The following RBFOX1 variants were observed in gnomAD, a reference collection of about 807,000 sequenced individuals.
RBFOX1 encodes RNA binding protein fox-1 homolog 1.
In RBFOX1, 8 loss-of-function variants were observed where a neutral mutation model predicts 57.7. The ratio of observed to expected loss-of-function variants is 0.14; its 90% CI spans 0.08 to 0.25. The LOEUF (loss-of-function observed/expected upper bound fraction) is 0.25. Ranked by LOEUF, RBFOX1 falls within the 10% of genes least tolerant of loss-of-function variation. RBFOX1 has a pLI of 1.00. For synonymous variants in RBFOX1, 326 were observed against 222.4 expected (o/e 1.47, Z -4.15); for missense variants, 611 against 548.5 (o/e 1.11, Z -1.14).
At chr16:6,972,586 G>T (rs928407841) in intron 3 of RBFOX1, among the ~76,000 whole-genome samples, 1 of 152,082 alleles carries the variant, frequency 6.6e-6, no homozygotes, top group African/African-American at 2.4e-5. Context: ...TATACTGATT[G>T]GAATGTTCTG....
At chr16:5,787,150 A>G (rs2054530408) in intron 3 of RBFOX1, among the ~76,000 whole-genome samples, 1 of 152,078 alleles carries the variant, frequency 6.6e-6, no homozygotes, top group Non-Finnish European at 1.5e-5. Context: ...AAATAATAAC[A>G]CAGGAGGAGC....
rs12598426 is a variant in RBFOX1 at position 6,601,175 on chromosome 16, C to G, written c.-63-53428C>G. The stretch of plus-strand genomic sequence containing the variant: ...TGAAGAACAGAAAGGAATTAGATAT[C>G]CAACTTAGTACTTGTTTTTTTAAGA... On this transcript the variant is annotated intron_variant, in intron 2 of 15. Coordinates refer to ENST00000550418, the MANE Select transcript of RBFOX1 (RefSeq NM_018723.4). 2.4e-3 allele frequency among the ~76,000 whole-genome samples: 366 copies of G among 152,238 alleles called. 9 individuals carry two copies. The East Asian group carries it at 0.06, about 25-fold the overall frequency.
rs1243116657 is a variant in RBFOX1, at chr16:5,336,687, G to A, written c.219+96582G>A. 4.6e-5 allele frequency among the ~76,000 whole-genome samples: 7 copies of A among 152,212 alleles called. No individual in the cohort carries two copies. In the South Asian group the frequency reaches 1.4e-3, roughly 32 times the overall value. Reference sequence around the variant, plus strand: ...ACCCATTCATGAAGCTGAAAGAAGAGAGTGGTCCTTCTACTGGGTTTAGTT... The same window carrying A: ...ACCCATTCATGAAGCTGAAAGAAGAAAGTGGTCCTTCTACTGGGTTTAGTT... On this transcript the variant is annotated intron_variant, in intron 1 of 2. Coordinates refer to the RBFOX1 transcript ENST00000585867.
chr16:5,291,765 G>C (rs1362669324), intron 1 of RBFOX1, among the ~76,000 whole-genome samples: 1 of 152,178 alleles, frequency 6.6e-6, no homozygotes, highest in African/African-American at 2.4e-5. Context: ...GGTGGTGTCA[G>C]GAGAGTGGCT....
intron 3 of RBFOX1, among the ~76,000 whole-genome samples, chr16:6,720,479 C>A (rs948250641): frequency 6.6e-6 from 1 of 152,136 alleles, no homozygotes; most frequent in South Asian, 2.1e-4. Flanking sequence ...CATACACGAC[C>A]TATGTGTTCA....
At chr16:7,286,448 ATTTTTTT>A (rs940492155) in intron 4 of RBFOX1, among the ~76,000 whole-genome samples, 1 of 121,894 alleles carries the variant, frequency 8.2e-6, no homozygotes, top group Non-Finnish European at 1.7e-5. Context: ...ATACTTTCTT[ATTTTTTT>A]TTTTTTTTTT....
chr16:5,489,489 G>C (rs533759229), intron 2 of RBFOX1, among the ~76,000 whole-genome samples: 10 of 152,332 alleles, frequency 6.6e-5, no homozygotes, highest in African/African-American at 1.4e-4. Context: ...CTTCCCAGCT[G>C]TCTGACCTTG....
intron 1 of RBFOX1, among the ~76,000 whole-genome samples, chr16:6,167,051 G>A (rs894722063): frequency 6.6e-6 from 1 of 152,206 alleles, no homozygotes; most frequent in Non-Finnish European, 1.5e-5. Context: ...GGGATTACAG[G>A]CATAAGCCAT....
At chr16:7,174,249 T>A (rs1451908219) in intron 4 of RBFOX1, among the ~76,000 whole-genome samples, 1 of 152,180 alleles carries the variant, frequency 6.6e-6, no homozygotes, top group Non-Finnish European at 1.5e-5. Flanking sequence ...GTATCACTAC[T>A]TTGTTTCTTT....
At chr16:5,328,239 T>A (rs567872829) in intron 1 of RBFOX1, among the ~76,000 whole-genome samples, 22 of 152,102 alleles carry the variant, frequency 1.4e-4, no homozygotes, top group Non-Finnish European at 2.9e-4. Flanking sequence ...AAATAAGGCT[T>A]TTAAAGGGGC....
intron 2 of RBFOX1, among the ~76,000 whole-genome samples, chr16:5,506,324 C>T (rs11647701): frequency 6.6e-6 from 1 of 152,168 alleles, no homozygotes; most frequent in Non-Finnish European, 1.5e-5. Flanking sequence ...ACGTAAGTCG[C>T]GGATAGCTCC....
chr16:5,425,148 C>T (rs997551570), intron 1 of RBFOX1, among the ~76,000 whole-genome samples: 1 of 143,722 alleles, frequency 7.0e-6, no homozygotes, highest in African/African-American at 2.5e-5. Flanking sequence ...CTGTGTTGCC[C>T]AGGCTGGAGT....
chr16:6,037,426 A>G (rs111898365), intron 1 of RBFOX1: 230 of 152,138 alleles, frequency 1.5e-3, no homozygotes, highest in African/African-American at 5.3e-3. Flanking sequence ...AGTCCTTAGT[A>G]AACTTTTGTA....
intron 1 of RBFOX1, among the ~76,000 whole-genome samples, chr16:5,436,999 G>A (rs967047409): frequency 1.3e-5 from 2 of 152,200 alleles, no homozygotes; most frequent in Non-Finnish European, 2.9e-5. Flanking sequence ...AGAAAGGGCT[G>A]TTGTTTACTC....
chr16:7,287,595 T>C (rs1003291245), intron 4 of RBFOX1, among the ~76,000 whole-genome samples: 1 of 152,212 alleles, frequency 6.6e-6, no homozygotes, highest in African/African-American at 2.4e-5. Context: ...AGATAAAACC[T>C]TTTATTTTTC....
chr16:6,015,012 C>T (rs1364278), upstream of RBFOX1, among the ~76,000 whole-genome samples: 19,605 of 151,900 alleles, frequency 0.13, 1,354 homozygotes, highest in Admixed American at 0.16. Flanking sequence ...CACACCACTA[C>T]GCCTGGCTAA....
chr16:5,565,218 G>A (rs2046021708), intron 2 of RBFOX1, among the ~76,000 whole-genome samples: 1 of 152,156 alleles, frequency 6.6e-6, no homozygotes, highest in Non-Finnish European at 1.5e-5. Context: ...CTTTTGCTAA[G>A]CTATCTCCAT....
At chr16:7,008,020 T>C (rs940435580) in intron 3 of RBFOX1, among the ~76,000 whole-genome samples, 1 of 152,170 alleles carries the variant, frequency 6.6e-6, no homozygotes, top group Non-Finnish European at 1.5e-5. Context: ...GCATTGTGTC[T>C]CTCACCCAAC....
chr16:6,436,437 A>G (rs902429779), intron 2 of RBFOX1, among the ~76,000 whole-genome samples: 4 of 151,678 alleles, frequency 2.6e-5, no homozygotes, highest in African/African-American at 9.7e-5. Flanking sequence ...CTTATACATG[A>G]TACAGACCAA....
Sources: allele counts gnomAD v4.1 joint callset (sites outside exome capture counted in the v4.1 genomes callset), GRCh38; gene constraint gnomAD v4.1.1; transcripts MANE v1.5; gene names NCBI Gene and HGNC (gene_info 2026-07-23, HGNC 2026-07-21).